MPHOSPH6: variants seen among roughly 807,000 people sequenced by gnomAD.
MPHOSPH6 encodes the protein M-phase phosphoprotein 6.
A neutral mutation model predicts 21.8 loss-of-function variants in MPHOSPH6; 25 were observed. The ratio of observed to expected loss-of-function variants is 1.15; its 90% CI spans 0.83 to 1.60. The LOEUF is 1.60. Ranked by LOEUF, MPHOSPH6 falls within the 40% of genes most tolerant of loss-of-function variation. MPHOSPH6 has a pLI of 0.00. For synonymous variants in MPHOSPH6, 84 were observed against 56.5 expected, an observed-to-expected ratio of 1.49 and a Z score of -2.18; for missense variants, 269 against 181.8, an observed-to-expected ratio of 1.48 and a Z score of -2.76.
At chr16:82,153,921 T>C (rs1906347812) in intron 2 of MPHOSPH6, among the ~76,000 whole-genome samples, 1 of 152,130 alleles carries the variant, frequency 6.6e-6, no homozygotes, top group Admixed American at 6.5e-5. Context: ...GTGTGTCAAA[T>C]CTTCCTCACC....
rs186732742 is a variant in MPHOSPH6, at chr16:82,160,986, G to A, written c.164+3096C>T. ...TCCTTATCTCAGAAGAAGGGACAGAGAGAGGAATCTGAACAAAAGACTTGC... is the reference window on the plus strand; with the variant it reads ...TCCTTATCTCAGAAGAAGGGACAGAAAGAGGAATCTGAACAAAAGACTTGC... On this transcript the variant is annotated intron_variant, in intron 2 of 4. Coordinates refer to ENST00000258169, the MANE Select transcript of MPHOSPH6 (RefSeq NM_005792.2). 3.1e-3 allele frequency among the ~76,000 whole-genome samples: 465 copies of A among 151,788 alleles called. 2 individuals are homozygous for A. The highest frequency in any genetic ancestry group is 0.011 in the African/African-American group (443 of 41,274).
At chr16:82,169,343 C>G (rs1906894327) in intron 1 of MPHOSPH6, among the ~76,000 whole-genome samples, 1 of 152,160 alleles carries the variant, frequency 6.6e-6, no homozygotes, top group Non-Finnish European at 1.5e-5. Flanking sequence ...GACTTCTGAA[C>G]TCAGTTTCTC....
rs770281056 is a variant in MPHOSPH6, at chr16:82,148,650, T to C, written c.*81A>G. 1.2e-5 allele frequency: 18 copies of C among 1,510,392 alleles called. No homozygotes were observed. Among genetic ancestry groups the C allele is most frequent in the Non-Finnish European group, 1.5e-5 (17 of 1,114,828 alleles). The allele number at this position is 1,510,392 out of a possible 1,614,324, so 93.6% of individuals were successfully genotyped here. A position where few individuals can be genotyped will look rare whatever the true frequency, so the allele number is the denominator to read the frequency against. On this transcript the variant is annotated 3_prime_UTR_variant, in exon 5 of 5. Transcript: ENST00000258169. ...GTAAACGTTACAGTATTAATAACTA[T>C]AGAGACACCATTGGGATGAGCTCCA...
intron 3 of MPHOSPH6, among the ~76,000 whole-genome samples, chr16:82,150,042 T>C (rs1321982096): frequency 6.6e-6 from 1 of 151,778 alleles, no homozygotes; most frequent in African/African-American, 2.4e-5. Flanking sequence ...TAATCTCTTC[T>C]TTTTAGCAAG....
chr16:82,165,115 T>TC (rs1906725885), intron 1 of MPHOSPH6, among the ~76,000 whole-genome samples: 1 of 46,454 alleles, frequency 2.2e-5, no homozygotes, highest in Non-Finnish European at 3.7e-5. Flanking sequence ...CCGATATTTC[T>TC]TTTTTATTTT....
At chr16:82,161,045 AC>A (rs1397984269) in intron 2 of MPHOSPH6, among the ~76,000 whole-genome samples, 2 of 152,106 alleles carry the variant, frequency 1.3e-5, no homozygotes, top group African/African-American at 4.8e-5. Flanking sequence ...CTTCGTTCAT[AC>A]CCCTTGCTCC....
At chr16:82,169,231 C>G (rs543834850) in intron 1 of MPHOSPH6, among the ~76,000 whole-genome samples, 3 of 152,312 alleles carry the variant, frequency 2.0e-5, no homozygotes, top group Non-Finnish European at 2.9e-5. Context: ...TGACCATTGC[C>G]TACTCTGCAA....
In MPHOSPH6 at chr16:82,148,878, G is replaced by A. The variant is rs1906173182; in HGVS notation, c.351-15C>T. 1 of 1,613,044 alleles carries A rather than the reference G, an allele frequency of 6.2e-7. No homozygotes were observed. Among genetic ancestry groups the A allele is most frequent in the Non-Finnish European group, 8.5e-7 (1 of 1,179,632 alleles). The stretch of plus-strand genomic sequence containing the variant: ...AGGTCTCATATCTGTCAAGAGGACA[G>A]GCAGCACACGTTTAATTTCAAATAA... On this transcript the variant is annotated splice_polypyrimidine_tract_variant and intron_variant, in intron 4 of 4. Coordinates refer to ENST00000258169, the MANE Select transcript of MPHOSPH6 (RefSeq NM_005792.2).
At chr16:82,155,180 G>A (rs1045267207) in intron 2 of MPHOSPH6, among the ~76,000 whole-genome samples, 1 of 152,132 alleles carries the variant, frequency 6.6e-6, no homozygotes, top group South Asian at 2.1e-4. Context: ...CGAAAATAAA[G>A]GAGTATCTCT....
chr16:82,161,676 A>G (rs1906612244), intron 2 of MPHOSPH6, among the ~76,000 whole-genome samples: 1 of 152,214 alleles, frequency 6.6e-6, no homozygotes, highest in African/African-American at 2.4e-5. Context: ...CAGAGAAAGA[A>G]GGATTGGGCA....
In MPHOSPH6 at chr16:82,157,001, C is replaced by T. The variant is rs565065859; in HGVS notation, c.165-5487G>A. Among the ~76,000 whole-genome samples the T allele has an allele frequency of 7.4e-4, 113 of 152,132 alleles. 1 individual carries two copies. The highest frequency in any genetic ancestry group is 3.4e-3 in the Middle Eastern group (1 of 294). The stretch of plus-strand genomic sequence containing the variant: ...CTGGGAAGCAGGCTGCAGTGAGCCG[C>T]GGTTGCGCCAGTGCACTGTAGCTTG... On this transcript the variant is annotated intron_variant, in intron 2 of 4. Transcript: ENST00000258169.
chr16:82,155,465 C>T (rs189308242), intron 2 of MPHOSPH6, among the ~76,000 whole-genome samples: 50 of 152,234 alleles, frequency 3.3e-4, no homozygotes, highest in East Asian at 9.6e-4. Flanking sequence ...TTACAGAATA[C>T]GAAGTCAACG....
intron 3 of MPHOSPH6, 195 bp downstream of exon 3, chr16:82,151,229 T>C: frequency 1.6e-6 from 1 of 642,002 alleles, no homozygotes; most frequent in East Asian, 3.3e-5. Context: ...TATGAAATTA[T>C]CTACTCACCT....
intron 1 of MPHOSPH6, among the ~76,000 whole-genome samples, chr16:82,168,463 A>ACT (rs201982758): frequency 9.5e-5 from 5 of 52,450 alleles, no homozygotes; most frequent in Admixed American, 2.4e-4. Context: ...TATAATGTTT[A>ACT]CTCTCTCTCT....
chr16:82,149,045 T>C (rs1906178445), intron 4 of MPHOSPH6, among the ~76,000 whole-genome samples, 182 bp from the exon 5 acceptor site: 1 of 152,226 alleles, frequency 6.6e-6, no homozygotes, highest in African/African-American at 2.4e-5. Flanking sequence ...TTCCTTGCCA[T>C]TTTGGTGTTT....
intron 1 of MPHOSPH6, among the ~76,000 whole-genome samples, chr16:82,165,535 C>T (rs1245738125): frequency 6.6e-6 from 1 of 152,080 alleles, no homozygotes; most frequent in Non-Finnish European, 1.5e-5. Context: ...TTAACGTTCA[C>T]GAATAAAATA....
chr16:82,149,646 G>C (rs987127113), intron 3 of MPHOSPH6, among the ~76,000 whole-genome samples: 3 of 152,222 alleles, frequency 2.0e-5, no homozygotes, highest in African/African-American at 4.8e-5. Flanking sequence ...GTGTATTTAA[G>C]ATCATAAATC....
chr16:82,168,511 C>G (rs1425637318), intron 1 of MPHOSPH6, among the ~76,000 whole-genome samples: 1 of 147,754 alleles, frequency 6.8e-6, no homozygotes, highest in African/African-American at 2.6e-5. Flanking sequence ...CCCTGTGTCA[C>G]CAAGGCTGGA....
intron 1 of MPHOSPH6, among the ~76,000 whole-genome samples, chr16:82,168,472 CT>C (rs552110598): frequency 9.0e-4 from 43 of 48,014 alleles, no homozygotes; most frequent in Non-Finnish European, 2.1e-3. Context: ...TACTCTCTCT[CT>C]TTTTTTTTTT....
Sources: gnomAD v4.1 joint callset for allele counts (sites outside exome capture counted in the v4.1 genomes callset) on GRCh38, gnomAD v4.1.1 for gene constraint, MANE v1.5 for transcripts, NCBI Gene and HGNC (gene_info 2026-07-23, HGNC 2026-07-21) for gene names.